Variants in DNAH12 observed in about 807,000 individuals in gnomAD.
DNAH12 encodes axonemal beta dynein heavy chain 12.
A neutral mutation model predicts 371.5 loss-of-function variants in DNAH12; 285 were observed. The observed-to-expected ratio is 0.77, with a 90% CI of 0.70 to 0.85. DNAH12 has a LOEUF of 0.85. Ranked by LOEUF, DNAH12 falls within the 40% of genes least tolerant of loss-of-function variation. The pLI, the probability that DNAH12 is intolerant of heterozygous loss-of-function variation, is 0.00. For missense variants in DNAH12, 3,611 were observed against 3,689.4 expected (o/e 0.98, Z 0.55); for synonymous variants, 1,200 against 1,213.0 (o/e 0.99, Z 0.22).
intron 45 of DNAH12, among the ~76,000 whole-genome samples, chr3:57,391,660 T>C (rs1407391891): frequency 6.6e-6 from 1 of 152,244 alleles, no homozygotes; most frequent in Non-Finnish European, 1.5e-5. Flanking sequence ...TCATGATTAC[T>C]GACTGCTTTT....
At chr3:57,482,864 T>C (rs1418525624) in intron 13 of DNAH12, among the ~76,000 whole-genome samples, 4 of 136,544 alleles carry the variant, frequency 2.9e-5, no homozygotes, top group Admixed American at 8.5e-5. Flanking sequence ...TAGGTGGGAA[T>C]TGAACAATGA....
rs1224128030 is a variant in DNAH12 at position 57,461,554 on chromosome 3, GATC to G, written c.2668_2670del (p.Asp890del). On this transcript the variant is annotated inframe_deletion, in exon 19 of 74. Transcript: ENST00000495027. Reference sequence around the variant, plus strand: ...CTCATTGTCTGAGTTTTTATAATTTGATCATCAAGGATGGCCTGAATCTCATCC... The same window carrying G: ...CTCATTGTCTGAGTTTTTATAATTTGATCAAGGATGGCCTGAATCTCATCC... 6.4e-7 allele frequency: 1 copy of G among 1,551,304 alleles called. No homozygotes were observed. Among genetic ancestry groups the G allele is most frequent in the Non-Finnish European group, 8.7e-7 (1 of 1,146,860 alleles).
At chr3:57,342,238 A>C (rs1219396791) in intron 60 of DNAH12, among the ~76,000 whole-genome samples, 1 of 152,140 alleles carries the variant, frequency 6.6e-6, no homozygotes, top group African/African-American at 2.4e-5. Flanking sequence ...TCAAAAGTAC[A>C]GGCAACAAAA....
intron 43 of DNAH12, among the ~76,000 whole-genome samples, chr3:57,401,563 C>CAAAAAAAAA (rs71294714): frequency 4.4e-5 from 3 of 67,992 alleles, no homozygotes; most frequent in African/African-American, 7.1e-5. Flanking sequence ...GACTCCATCT[C>CAAAAAAAAA]AAAAAAAAAA....
intron 67 of DNAH12, 84 bp downstream of exon 67, chr3:57,310,633 C>T: frequency 1.1e-6 from 1 of 915,886 alleles, no homozygotes; most frequent in Non-Finnish European, 1.7e-6. Flanking sequence ...TTGTCTAAAC[C>T]TATACATTAG....
chr3:57,476,308 G>A (rs1271985462), intron 13 of DNAH12, among the ~76,000 whole-genome samples: 1 of 152,202 alleles, frequency 6.6e-6, no homozygotes, highest in Admixed American at 6.5e-5. Context: ...GCTCATGCCT[G>A]TAATCCTAGC....
At chr3:57,302,529 GTATATATATATATATATA>G (rs71088055) in intron 69 of DNAH12, among the ~76,000 whole-genome samples, 2 of 47,850 alleles carry the variant, frequency 4.2e-5, no homozygotes, top group Admixed American at 4.3e-4. Context: ...GGCATCAGGT[GTATATATATATATATATA>G]TATATATATA....
rs1390916109 is a variant in DNAH12 at position 57,322,424 on chromosome 3, A to C, written c.10443T>G (p.Leu3481=). ...GATATGATTGAAGGAGATTCAGCCG[A>C]AGACCCGTGGGAGGTTCATTAGTCA... ...VKMTNEPPTG[L]RLNLLQSYLT... Residue 3481 remains leucine (L), a synonymous_variant, in exon 65 of 74, where the codon CTT becomes CTG. Coordinates refer to ENST00000495027, the MANE Select transcript of DNAH12 (RefSeq NM_001366028.2). 6.4e-7 allele frequency: 1 copy of C among 1,552,180 alleles called. No homozygotes were observed. Among genetic ancestry groups the C allele is most frequent in the Non-Finnish European group, 8.7e-7 (1 of 1,147,140 alleles).
chr3:57,354,881 C>A (rs2153323873), intron 59 of DNAH12, among the ~76,000 whole-genome samples: 2 of 152,252 alleles, frequency 1.3e-5, no homozygotes, highest in African/African-American at 4.8e-5. Context: ...CAAAACATTA[C>A]ATGCCATATG....
intron 60 of DNAH12, among the ~76,000 whole-genome samples, chr3:57,338,529 G>A (rs1175358895): frequency 2.0e-5 from 3 of 150,486 alleles, no homozygotes; most frequent in African/African-American, 7.4e-5. Flanking sequence ...TCTGGGAGGT[G>A]AGGAGCGTCT....
chr3:57,419,574 A>T (rs2064500074), intron 36 of DNAH12, 56 bp from the exon 37 acceptor site: 1 of 1,290,494 alleles, frequency 7.7e-7, no homozygotes, highest in African/African-American at 1.6e-5. Flanking sequence ...TGTATCTGAA[A>T]GGCTCTTTTC....
intron 16 of DNAH12, among the ~76,000 whole-genome samples, chr3:57,469,874 T>G: frequency 6.6e-6 from 1 of 152,186 alleles, no homozygotes; most frequent in Admixed American, 6.5e-5. Context: ...AAACTACCTA[T>G]TAGGTGCTGT....
chr3:57,376,110 C>T (rs1407544152), intron 53 of DNAH12, 145 bp from the exon 54 acceptor site: 1 of 152,006 alleles, frequency 6.6e-6, no homozygotes, highest in East Asian at 1.9e-4. Flanking sequence ...GAGGTTGGAA[C>T]CCTTCTAGCT....
At chr3:57,502,924 C>T (rs559272818) in intron 9 of DNAH12, among the ~76,000 whole-genome samples, 1 of 152,212 alleles carries the variant, frequency 6.6e-6, no homozygotes, top group African/African-American at 2.4e-5. Flanking sequence ...AGGCAATCCG[C>T]CCGCCTCATC....
intron 65 of DNAH12, among the ~76,000 whole-genome samples, chr3:57,318,515 G>A (rs1269060937): frequency 6.6e-6 from 1 of 151,876 alleles, no homozygotes; most frequent in Non-Finnish European, 1.5e-5. Context: ...CCTCTGGTCT[G>A]TATGTCTGAC....
chr3:57,421,797 GC>G lies in DNAH12; in HGVS notation c.5374-92del. On this transcript the variant is annotated intron_variant, in intron 35 of 73. Transcript: ENST00000495027. ...ACCAAAATTCAATATATTAGGATAT[GC>G]TCAACTTACTTGAACAAGGTCGTAA... 2.2e-6 allele frequency: 3 copies of G among 1,390,808 alleles called. No individual in the cohort carries two copies. The East Asian group carries it at 7.5e-5, about 35-fold the overall frequency. The allele number at this position is 1,390,808 out of a possible 1,614,324, so 86.2% of individuals were successfully genotyped here. A position where few individuals can be genotyped will look rare whatever the true frequency, so the allele number is the denominator to read the frequency against.
At chr3:57,350,359 GA>G (rs1553659736) in intron 60 of DNAH12, among the ~76,000 whole-genome samples, 3 of 152,122 alleles carry the variant, frequency 2.0e-5, no homozygotes, top group Non-Finnish European at 4.4e-5. Flanking sequence ...CACATTAATG[GA>G]ACTGAATAGA....
At chr3:57,477,705 G>A (rs569182559) in intron 13 of DNAH12, among the ~76,000 whole-genome samples, 7 of 152,220 alleles carry the variant, frequency 4.6e-5, no homozygotes, top group East Asian at 1.9e-4. Context: ...TCACACGGCC[G>A]GGTACTCTTC....
chr3:57,298,090 G>A (rs1559531428), intron 70 of DNAH12, among the ~76,000 whole-genome samples: 1 of 152,162 alleles, frequency 6.6e-6, no homozygotes, highest in Admixed American at 6.5e-5. Context: ...TCTTTGTGCT[G>A]GGTGGACATT....
Sources: gnomAD v4.1 joint callset for allele counts (sites outside exome capture counted in the v4.1 genomes callset) on GRCh38, gnomAD v4.1.1 for gene constraint, MANE v1.5 for transcripts, NCBI Gene and HGNC (gene_info 2026-07-23, HGNC 2026-07-21) for gene names.